The following CDC14A variants were observed in gnomAD, a reference collection of about 807,000 sequenced individuals.
CDC14A encodes the protein cell division cycle 14A, also known as dual specificity protein phosphatase CDC14A.
A neutral mutation model predicts 74.4 loss-of-function variants in CDC14A; 53 were observed. The observed-to-expected ratio is 0.71, with a 90% confidence interval of 0.57 to 0.89. The LOEUF (loss-of-function observed/expected upper bound fraction) is 0.89, where lower values mean the gene tolerates loss of function less well. Among genes scored for constraint, CDC14A ranks in the 40% least tolerant of loss-of-function variants. The pLI is 0.00. For synonymous variants in CDC14A, 247 were observed against 258.4 expected (o/e 0.96, Z 0.43); for missense variants, 646 against 713.7 (o/e 0.91, Z 1.08).
At chr1:100,477,622 AAAAC>A (rs1389192609) in intron 10 of CDC14A, among the ~76,000 whole-genome samples, 5 of 152,100 alleles carry the variant, frequency 3.3e-5, no homozygotes, top group Admixed American at 2.6e-4. Flanking sequence ...AAAAAAGAAA[AAAAC>A]AAGGCTTTGA....
At chr1:100,358,474 C>A (rs567290868) in intron 2 of CDC14A, among the ~76,000 whole-genome samples, 1 of 152,156 alleles carries the variant, frequency 6.6e-6, no homozygotes, top group South Asian at 2.1e-4. Flanking sequence ...TCATTTTCAG[C>A]CTGTCCATTG....
intron 10 of CDC14A, among the ~76,000 whole-genome samples, chr1:100,476,317 G>A (rs1475759262): frequency 1.3e-5 from 2 of 152,178 alleles, no homozygotes; most frequent in South Asian, 2.1e-4. Flanking sequence ...GCTGGGCATG[G>A]TGGCATGTGC....
intron 8 of CDC14A, among the ~76,000 whole-genome samples, chr1:100,457,336 C>T (rs1309841752): frequency 2.0e-5 from 3 of 152,184 alleles, no homozygotes. Flanking sequence ...GGTTTCTTCA[C>T]TTAACATATC....
At chr1:100,353,126 T>A in intron 1 of CDC14A, 123 bp downstream of exon 1, 1 of 1,014,060 alleles carries the variant, frequency 9.9e-7, no homozygotes, top group Non-Finnish European at 1.5e-6. Context: ...CGCGCTCTCG[T>A]CCCCTCTAGG....
intron 1 of CDC14A, among the ~76,000 whole-genome samples, chr1:100,347,017 A>G (rs976162859): frequency 1.3e-5 from 2 of 152,252 alleles, no homozygotes; most frequent in Admixed American, 1.3e-4. Flanking sequence ...GCAACATCTT[A>G]TATTGTTTCA....
intron 11 of CDC14A, among the ~76,000 whole-genome samples, chr1:100,491,548 C>CTCTCTCTCTCTCTATA (rs1223420176): frequency 2.6e-5 from 1 of 38,760 alleles, no homozygotes; most frequent in Admixed American, 4.2e-4. Flanking sequence ...CTCTCTCTCT[C>CTCTCTCTCTCTCTATA]TATATATATA....
intron 4 of CDC14A, 157 bp from the exon 5 acceptor site, chr1:100,424,065 T>C (rs1185485850): frequency 3.3e-6 from 2 of 608,274 alleles, no homozygotes; most frequent in Non-Finnish European, 6.0e-6. Flanking sequence ...AGCTTCATGC[T>C]GAAAAGGAAA....
At chr1:100,497,143 T>C (rs1313514460) in intron 13 of CDC14A, among the ~76,000 whole-genome samples, 1 of 152,136 alleles carries the variant, frequency 6.6e-6, no homozygotes, top group African/African-American at 2.4e-5. Flanking sequence ...TGATGAAACA[T>C]ATATTGCTTG....
In CDC14A at chr1:100,484,459, T is replaced by C; in HGVS notation, c.1137+8T>C. On this transcript the variant is annotated splice_region_variant and intron_variant, in intron 11 of 15. Transcript: ENST00000336454. ...ATGGAACGATTTGGAGAGGTAAGTT[T>C]TCCCTAGGAGATTCTATCTTCTTAA... 1 of 1,595,526 alleles carries C rather than the reference T, an allele frequency of 6.3e-7. No homozygotes were observed. Among genetic ancestry groups the C allele is most frequent in the South Asian group, 1.1e-5 (1 of 87,468 alleles).
Position 100,518,864 on chromosome 1 carries a change from C to T in CDC14A, c.*584C>T, listed in dbSNP as rs954030911. The stretch of plus-strand genomic sequence containing the variant: ...TATAAATATGGCAGGTCAGTTCATT[C>T]TTTTGGGAAGTCAGTTTAGTTACAC... On this transcript the variant is annotated 3_prime_UTR_variant, in exon 16 of 16. Coordinates refer to ENST00000336454, the MANE Select transcript of CDC14A (RefSeq NM_003672.4). 6.6e-6 allele frequency: 1 copy of T among 152,446 alleles called. No individual in the cohort carries two copies. Among genetic ancestry groups the T allele is most frequent in the Admixed American group, 6.6e-5 (1 of 15,252 alleles). 9.4% of individuals were successfully genotyped at this position (152,446 alleles called of 1,614,324 possible).
chr1:100,472,170 A>T (rs532427376), intron 10 of CDC14A, among the ~76,000 whole-genome samples: 1 of 152,198 alleles, frequency 6.6e-6, no homozygotes, highest in African/African-American at 2.4e-5. Flanking sequence ...AAGACATTTC[A>T]TAGAAGAGAA....
chr1:100,488,091 C>A (rs1670224114), intron 11 of CDC14A, among the ~76,000 whole-genome samples: 1 of 152,112 alleles, frequency 6.6e-6, no homozygotes, highest in Admixed American at 6.5e-5. Flanking sequence ...ATAGTACTAG[C>A]AATAAGTGCT....
chr1:100,393,637 C>A, intron 4 of CDC14A: 5 of 607,910 alleles, frequency 8.2e-6, no homozygotes, highest in Non-Finnish European at 1.5e-5. Context: ...CCAGAGGCTT[C>A]ATAACCTTGA....
At chr1:100,463,926 G>A (rs1335402640) in intron 9 of CDC14A, among the ~76,000 whole-genome samples, 1 of 152,080 alleles carries the variant, frequency 6.6e-6, no homozygotes, top group African/African-American at 2.4e-5. Context: ...ATGGTTTTGG[G>A]TCTAGACCCG....
chr1:100,425,532 T>A (rs1662853204), intron 5 of CDC14A, among the ~76,000 whole-genome samples: 2 of 152,074 alleles, frequency 1.3e-5, no homozygotes, highest in African/African-American at 2.4e-5. Context: ...GCTTCTGAGA[T>A]CACAGGAGGT....
chr1:100,417,811 G>A (rs1661725763), intron 4 of CDC14A, among the ~76,000 whole-genome samples: 1 of 152,066 alleles, frequency 6.6e-6, no homozygotes, highest in East Asian at 1.9e-4. Context: ...TAACCCTTTT[G>A]GGTAGATGCA....
chr1:100,393,273 A>T, intron 4 of CDC14A: 1 of 1,338,502 alleles, frequency 7.5e-7, no homozygotes, highest in African/African-American at 1.4e-5. Context: ...ATGTTCAATC[A>T]TATGAACTAG....
chr1:100,510,910 A>G (rs1018519553), intron 15 of CDC14A, among the ~76,000 whole-genome samples: 1 of 152,132 alleles, frequency 6.6e-6, no homozygotes, highest in Non-Finnish European at 1.5e-5. Flanking sequence ...TGATCTCCAG[A>G]GCCAGCTGAC....
At chr1:100,417,161 T>C (rs1178875832) in intron 4 of CDC14A, among the ~76,000 whole-genome samples, 3 of 152,166 alleles carry the variant, frequency 2.0e-5, no homozygotes, top group African/African-American at 7.2e-5. Context: ...CTGATCTTAT[T>C]GGGTTGCCAA....
Sources: allele counts gnomAD v4.1 joint callset (sites outside exome capture counted in the v4.1 genomes callset), GRCh38; gene constraint gnomAD v4.1.1; transcripts MANE v1.5; gene names NCBI Gene and HGNC (gene_info 2026-07-23, HGNC 2026-07-21).